PLCB1: variants seen among roughly 807,000 people sequenced by gnomAD.
PLCB1 encodes the protein phospholipase C beta 1.
A neutral mutation model predicts 161.8 loss-of-function variants in PLCB1; 46 were observed. The ratio of observed to expected loss-of-function variants is 0.28; its 90% CI spans 0.22 to 0.36. PLCB1 has a LOEUF of 0.36. PLCB1 is among the 10% of genes least tolerant of loss of function. PLCB1 has a pLI of 1.00. For synonymous variants in PLCB1, 517 were observed against 503.7 expected (o/e 1.03, Z -0.35); for missense variants, 1,016 against 1,472.5 (o/e 0.69, Z 5.07).
At chr20:8,435,213 T>A (rs1178784652) in intron 3 of PLCB1, among the ~76,000 whole-genome samples, 1 of 152,216 alleles carries the variant, frequency 6.6e-6, no homozygotes, top group Non-Finnish European at 1.5e-5. Context: ...CAATTTATCC[T>A]TACTGTACAA....
chr20:8,352,305 A>G (rs1007933103), intron 2 of PLCB1, among the ~76,000 whole-genome samples: 8 of 152,134 alleles, frequency 5.3e-5, no homozygotes, highest in African/African-American at 1.9e-4. Context: ...GGGTTTTCAG[A>G]TTAGTGGTTA....
chr20:8,738,917 A>C (rs1465375365), intron 20 of PLCB1, among the ~76,000 whole-genome samples: 1 of 152,164 alleles, frequency 6.6e-6, no homozygotes, highest in African/African-American at 2.4e-5. Flanking sequence ...TTGGGAGGCC[A>C]AGGTGGTGGA....
intron 2 of PLCB1, among the ~76,000 whole-genome samples, chr20:8,217,887 C>G (rs1417575025): frequency 2.0e-5 from 3 of 152,066 alleles, no homozygotes. Flanking sequence ...CACTCTTTTG[C>G]CCTTCCACCT....
chr20:8,825,357 G>T (rs1278462501), intron 31 of PLCB1, among the ~76,000 whole-genome samples: 1 of 152,202 alleles, frequency 6.6e-6, no homozygotes, highest in Non-Finnish European at 1.5e-5. Flanking sequence ...GAACATCTTG[G>T]AGCAAGTGAT....
intron 2 of PLCB1, among the ~76,000 whole-genome samples, chr20:8,339,028 A>G (rs1341163242): frequency 6.6e-6 from 1 of 152,082 alleles, no homozygotes; most frequent in African/African-American, 2.4e-5. Context: ...CTTTACCACA[A>G]TTTGTTTATC....
intron 2 of PLCB1, among the ~76,000 whole-genome samples, chr20:8,218,703 G>A (rs914466421): frequency 5.3e-5 from 8 of 151,670 alleles, no homozygotes; most frequent in South Asian, 2.1e-4. Context: ...TGAATTAGTC[G>A]GTCTCAAGGA....
At position 8,765,136 on chromosome 20, in the gene PLCB1, C is replaced by G; in HGVS notation, c.2711-3C>G. The G allele has an allele frequency of 6.2e-7, 1 of 1,608,728 alleles. No homozygotes were observed. Among genetic ancestry groups the G allele is most frequent in the Non-Finnish European group, 8.5e-7 (1 of 1,177,858 alleles). On this transcript the variant is annotated splice_region_variant and splice_polypyrimidine_tract_variant and intron_variant, in intron 25 of 31. Coordinates refer to ENST00000338037, the MANE Select transcript of PLCB1 (RefSeq NM_015192.4). ...CCTTAGCTTTCATATTCATTTGTTG[C>G]AGAAGTGGAAGCACAGACCATCGAA... is the stretch of plus-strand genomic sequence containing the variant.
chr20:8,630,782 G>A (rs551983250), intron 4 of PLCB1, among the ~76,000 whole-genome samples: 1 of 152,260 alleles, frequency 6.6e-6, no homozygotes, highest in Non-Finnish European at 1.5e-5. Flanking sequence ...CTTTTGCTAA[G>A]AGTAAATATA....
At chr20:8,291,078 A>G (rs981119070) in intron 2 of PLCB1, among the ~76,000 whole-genome samples, 1 of 151,550 alleles carries the variant, frequency 6.6e-6, no homozygotes, top group Non-Finnish European at 1.5e-5. Context: ...GAAATGCCCC[A>G]TCAAACTGAA....
At chr20:8,801,314 T>A (rs1291687263) in intron 31 of PLCB1, among the ~76,000 whole-genome samples, 1 of 152,162 alleles carries the variant, frequency 6.6e-6, no homozygotes, top group Non-Finnish European at 1.5e-5. Flanking sequence ...TATTAAAATT[T>A]ACAACCCCCC....
In PLCB1 at chr20:8,651,644, G is replaced by A. The variant is rs537040812; in HGVS notation, c.594+2195G>A. 19 of 578,430 alleles carry A rather than the reference G, an allele frequency of 3.3e-5. No individual in the cohort carries two copies. In the Admixed American group the frequency reaches 3.5e-4, roughly 11 times the overall value. The allele number at this position is 578,430 out of a possible 1,614,324, so 35.8% of individuals were successfully genotyped here. On this transcript the variant is annotated intron_variant, in intron 7 of 31. Coordinates refer to ENST00000338037, the MANE Select transcript of PLCB1 (RefSeq NM_015192.4). Reference sequence around the variant, plus strand: ...TGCCCATAGGCATTGAGAATATGGTGGTGAAGAAAATGAAACTCAAGGTTT... The same window carrying A: ...TGCCCATAGGCATTGAGAATATGGTAGTGAAGAAAATGAAACTCAAGGTTT...
chr20:8,874,526 A>G (rs1442687089), intron 31 of PLCB1, among the ~76,000 whole-genome samples: 1 of 152,028 alleles, frequency 6.6e-6, no homozygotes, highest in Non-Finnish European at 1.5e-5. Flanking sequence ...TTCTGGATAT[A>G]TTAATATAAA....
chr20:8,169,914 G>C (rs4816048), intron 2 of PLCB1, among the ~76,000 whole-genome samples: 28,267 of 152,146 alleles, frequency 0.19, 2,818 homozygotes, highest in Admixed American at 0.25. Context: ...TGGAGAATGA[G>C]ACTGAATTCT....
chr20:8,859,183 G>C (rs977461351), intron 31 of PLCB1, among the ~76,000 whole-genome samples: 1 of 152,216 alleles, frequency 6.6e-6, no homozygotes, highest in Admixed American at 6.5e-5. Flanking sequence ...CTTAGGAAGA[G>C]TTAGCTTGTT....
chr20:8,740,584 C>T (rs895501792), intron 22 of PLCB1, 136 bp downstream of exon 22: 3 of 502,292 alleles, frequency 6.0e-6, no homozygotes, highest in African/African-American at 4.0e-5. Flanking sequence ...CCCCTACTTT[C>T]GTATGTATGT....
At chr20:8,298,727 G>A (rs1983753613) in intron 2 of PLCB1, among the ~76,000 whole-genome samples, 1 of 151,904 alleles carries the variant, frequency 6.6e-6, no homozygotes, top group South Asian at 2.1e-4. Flanking sequence ...ATAATTGCAT[G>A]TAAAAACCAT....
chr20:8,402,290 A>G (rs577814876), intron 3 of PLCB1, among the ~76,000 whole-genome samples: 1 of 152,074 alleles, frequency 6.6e-6, no homozygotes, highest in Non-Finnish European at 1.5e-5. Context: ...TGTCTTTAGC[A>G]TACTACTTTT....
intron 2 of PLCB1, among the ~76,000 whole-genome samples, chr20:8,311,258 C>T (rs1600304864): frequency 6.6e-6 from 1 of 152,052 alleles, no homozygotes; most frequent in Non-Finnish European, 1.5e-5. Flanking sequence ...CTAGAGTGAT[C>T]GTTATCAAAG....
At chr20:8,461,709 T>C (rs1981583663) in intron 3 of PLCB1, among the ~76,000 whole-genome samples, 1 of 152,154 alleles carries the variant, frequency 6.6e-6, no homozygotes, top group East Asian at 1.9e-4. Context: ...TCATTTCTCA[T>C]GTGGAGAAAG....
Sources: allele counts gnomAD v4.1 joint callset (sites outside exome capture counted in the v4.1 genomes callset), GRCh38; gene constraint gnomAD v4.1.1; transcripts MANE v1.5; gene names NCBI Gene and HGNC (gene_info 2026-07-23, HGNC 2026-07-21).